The following SLC16A12 variants were observed in gnomAD, a reference collection of about 807,000 sequenced individuals.
SLC16A12 encodes solute carrier family 16 member 12.
Under a neutral mutation model 42.4 loss-of-function variants are expected in SLC16A12, and 17 were observed. The ratio of observed to expected loss-of-function variants is 0.40; its 90% confidence interval spans 0.27 to 0.60. The LOEUF is 0.60. Ranked by LOEUF, SLC16A12 falls within the 20% of genes least tolerant of loss-of-function variation. The pLI is 0.42. For missense variants in SLC16A12, 544 were observed against 623.0 expected (o/e 0.87, Z 1.35); for synonymous variants, 224 against 229.4 (o/e 0.98, Z 0.21).
At chr10:89,455,048 A>G (rs1353013198) in intron 3 of SLC16A12, among the ~76,000 whole-genome samples, 1 of 152,208 alleles carries the variant, frequency 6.6e-6, no homozygotes, top group East Asian at 1.9e-4. Flanking sequence ...AGCAACTTCA[A>G]GAACTATGAA....
chr10:89,507,465 A>G (rs1237088153), intron 2 of SLC16A12, among the ~76,000 whole-genome samples: 1 of 152,232 alleles, frequency 6.6e-6, no homozygotes, highest in African/African-American at 2.4e-5. Context: ...TTTCATATCC[A>G]GCCAAACTAA....
chr10:89,523,414 T>G (rs1843394088), intron 2 of SLC16A12, among the ~76,000 whole-genome samples: 1 of 152,216 alleles, frequency 6.6e-6, no homozygotes, highest in Non-Finnish European at 1.5e-5. Context: ...TTTGACATTA[T>G]CACCAGTGAC....
rs2133798371 is a variant in SLC16A12 at position 89,486,671 on chromosome 10, A to AG, written c.-46-24048dup. On this transcript the variant is annotated intron_variant, in intron 2 of 7. Transcript: ENST00000371790. ...AGAAAGAAAGAAAGAAAGAAAAGAA[A>AG]GAAAGAAAGAAAAGAAAGAAAAGAA... Among the ~76,000 whole-genome samples the AG allele has an allele frequency of 2.7e-5, 4 of 146,188 alleles. No homozygotes were observed. The South Asian group carries it at 8.5e-4, about 31-fold the overall frequency.
chr10:89,536,539 A>G (rs1195353360), upstream of SLC16A12, among the ~76,000 whole-genome samples: 1 of 152,020 alleles, frequency 6.6e-6, no homozygotes, highest in Non-Finnish European at 1.5e-5. Context: ...AAGCCTGAAA[A>G]GGGAGCTGCC....
intron 2 of SLC16A12, among the ~76,000 whole-genome samples, chr10:89,548,058 G>A (rs1843751219): frequency 6.6e-6 from 1 of 151,810 alleles, no homozygotes; most frequent in African/African-American, 2.4e-5. Context: ...ACACCTTCTT[G>A]GAGAATTTCA....
At chr10:89,436,832 A>AAGGAAGGAAGGAAGGAAGGAAGGC (rs1297024189) in intron 6 of SLC16A12, among the ~76,000 whole-genome samples, 1 of 147,126 alleles carries the variant, frequency 6.8e-6, no homozygotes, top group African/African-American at 2.6e-5. Flanking sequence ...GGAAGGAAGG[A>AAGGAAGGAAGGAAGGAAGGAAGGC]AATAAGGAGA....
At chr10:89,479,621 T>C (rs745538971) in intron 2 of SLC16A12, among the ~76,000 whole-genome samples, 9 of 152,218 alleles carry the variant, frequency 5.9e-5, no homozygotes, top group Non-Finnish European at 1.0e-4. Flanking sequence ...TGTTTTGTAT[T>C]GGTCCTTTCA....
At chr10:89,536,853 T>A (rs1028417956), upstream of SLC16A12, among the ~76,000 whole-genome samples, 10 of 152,268 alleles carry the variant, frequency 6.6e-5, no homozygotes, top group Middle Eastern at 3.4e-3. Context: ...TATTATTATT[T>A]TTGAGAAGCA....
chr10:89,541,208 G>A (rs975740551), intron 2 of SLC16A12, among the ~76,000 whole-genome samples: 1 of 151,836 alleles, frequency 6.6e-6, no homozygotes, highest in African/African-American at 2.4e-5. Flanking sequence ...TTACAGGCGT[G>A]AGCCACCACG....
At chr10:89,555,521 ATG>A (rs750094920) in intron 2 of SLC16A12, among the ~76,000 whole-genome samples, 1 of 142,042 alleles carries the variant, frequency 7.0e-6, no homozygotes, top group Admixed American at 7.0e-5. Context: ...ATATGTATAT[ATG>A]TGTATATATA....
intron 3 of SLC16A12, among the ~76,000 whole-genome samples, chr10:89,446,297 C>T (rs1036238725): frequency 1.2e-4 from 18 of 152,008 alleles, no homozygotes; most frequent in African/African-American, 3.9e-4. Context: ...CCCCAAGACA[C>T]ATAATTATCA....
intron 1 of SLC16A12, among the ~76,000 whole-genome samples, chr10:89,556,353 A>ATATCTC (rs751320759): frequency 1.3e-5 from 2 of 152,188 alleles, no homozygotes; most frequent in African/African-American, 2.4e-5. Context: ...ATTATTATAC[A>ATATCTC]TATCTCTATC....
At position 89,436,049 on chromosome 10, in the gene SLC16A12, T is replaced by C. The variant is rs1841779850; in HGVS notation, c.1288+11A>G. On this transcript the variant is annotated intron_variant, in intron 7 of 7. Transcript: ENST00000371790. Reference sequence around the variant, plus strand: ...AGAAAAGGTGGTTGGGGTTTCTCTCTGGAAACTTACCTGCGATGGGTGGGC... The same window carrying C: ...AGAAAAGGTGGTTGGGGTTTCTCTCCGGAAACTTACCTGCGATGGGTGGGC... The C allele has an allele frequency of 2.5e-6, 4 of 1,613,598 alleles. No homozygotes were observed. Among genetic ancestry groups the C allele is most frequent in the Non-Finnish European group, 3.4e-6 (4 of 1,179,804 alleles).
intron 3 of SLC16A12, chr10:89,456,094 C>G (rs1179653135): frequency 6.6e-6 from 1 of 152,182 alleles, no homozygotes; most frequent in Non-Finnish European, 1.5e-5. Flanking sequence ...ATCTGGCATA[C>G]TAGAATTGAT....
At chr10:89,483,754 C>CAAAAAAAAAAAAAAAAAAAAAAAAAAA (rs796203412) in intron 2 of SLC16A12, among the ~76,000 whole-genome samples, 1 of 102,396 alleles carries the variant, frequency 9.8e-6, no homozygotes, top group African/African-American at 3.3e-5. Context: ...AAAAAAAAAA[C>CAAAAAAAAAAAAAAAAAAAAAAAAAAA]AAAAAAAAAA....
intron 3 of SLC16A12, among the ~76,000 whole-genome samples, chr10:89,457,289 A>T (rs2133732027): frequency 6.6e-6 from 1 of 152,278 alleles, no homozygotes; most frequent in East Asian, 1.9e-4. Context: ...AAGAAAAAAA[A>T]CAAACAACCC....
chr10:89,481,127 G>C (rs989621843), intron 2 of SLC16A12, among the ~76,000 whole-genome samples: 2 of 152,012 alleles, frequency 1.3e-5, no homozygotes, highest in Non-Finnish European at 2.9e-5. Context: ...CTCTAAATCA[G>C]AACACAAAAT....
chr10:89,504,806 T>C (rs1160626291), intron 2 of SLC16A12, among the ~76,000 whole-genome samples: 5 of 152,100 alleles, frequency 3.3e-5, no homozygotes, highest in African/African-American at 9.7e-5. Context: ...CTGATTACAA[T>C]GTTTCTAGAG....
At chr10:89,453,610 C>T (rs1037826562) in intron 3 of SLC16A12, among the ~76,000 whole-genome samples, 6 of 152,150 alleles carry the variant, frequency 3.9e-5, no homozygotes, top group Admixed American at 6.5e-5. Context: ...ATAGGTTATA[C>T]GACATAGCCT....
Sources: gnomAD v4.1 joint callset for allele counts (sites outside exome capture counted in the v4.1 genomes callset) on GRCh38, gnomAD v4.1.1 for gene constraint, MANE v1.5 for transcripts, NCBI Gene and HGNC (gene_info 2026-07-23, HGNC 2026-07-21) for gene names.